CEP43: variants seen among roughly 807,000 people sequenced by gnomAD.
CEP43 encodes the protein centrosomal protein 43.
A neutral mutation model predicts 52.6 loss-of-function variants in CEP43; 36 were observed. That is an observed-to-expected ratio of 0.68 (90% CI 0.52 to 0.90). The LOEUF is 0.90. Ranked by LOEUF, CEP43 falls within the 40% of genes least tolerant of loss-of-function variation. The pLI, the probability that CEP43 is intolerant of heterozygous loss-of-function variation, is 0.00. For synonymous variants in CEP43, 192 were observed against 172.4 expected (o/e 1.11, Z -0.89); for missense variants, 506 against 472.8 (o/e 1.07, Z -0.65).
intron 10 of CEP43, among the ~76,000 whole-genome samples, chr6:167,029,855 GC>G (rs1177776258): frequency 3.3e-5 from 5 of 152,218 alleles, no homozygotes; most frequent in African/African-American, 1.2e-4. Context: ...GGAGTTAAGA[GC>G]AATGTTTTGA....
chr6:167,025,545 A>C (rs987654030), intron 9 of CEP43, among the ~76,000 whole-genome samples: 33 of 152,346 alleles, frequency 2.2e-4, no homozygotes, highest in Admixed American at 2.0e-3. Context: ...GAGCACGTGT[A>C]CCTCTTTTGA....
At chr6:166,999,978 G>A (rs1394614688) in intron 1 of CEP43, 82 bp from the exon 2 acceptor site, 21 of 1,238,700 alleles carry the variant, frequency 1.7e-5, no homozygotes, top group African/African-American at 3.0e-5. Flanking sequence ...TGGCTTGCTC[G>A]TGTTTGTTGC....
At chr6:167,032,198 C>T (rs1216961154) in intron 10 of CEP43, among the ~76,000 whole-genome samples, 1 of 152,192 alleles carries the variant, frequency 6.6e-6, no homozygotes, top group African/African-American at 2.4e-5. Context: ...CTCTTCACAC[C>T]TCATGAGTGT....
chr6:167,041,379 G>T lies in CEP43; in HGVS notation c.*1401G>T, dbSNP rs976327285. 39 of 1,060,270 alleles carry T rather than the reference G, an allele frequency of 3.7e-5. No homozygotes were observed. Among genetic ancestry groups the T allele is most frequent in the Non-Finnish European group, 3.8e-5 (33 of 876,116 alleles). 65.7% of individuals were successfully genotyped at this position (1,060,270 alleles called of 1,614,324 possible). The stretch of plus-strand genomic sequence containing the variant: ...GAGGAAGTAGGACATAAACTGGGCC[G>T]GTACAGCCTGGGAGCCCTGTGTATT... On this transcript the variant is annotated 3_prime_UTR_variant, in exon 13 of 13. Transcript: ENST00000366847.
At chr6:167,034,258 C>G (rs983441726) in intron 12 of CEP43, among the ~76,000 whole-genome samples, 1 of 152,080 alleles carries the variant, frequency 6.6e-6, no homozygotes, top group Non-Finnish European at 1.5e-5. Flanking sequence ...GTGGGTCAGG[C>G]TTAGTGAGAA....
At chr6:167,007,891 C>T (rs1037915963) in intron 5 of CEP43, among the ~76,000 whole-genome samples, 48 of 152,240 alleles carry the variant, frequency 3.2e-4, no homozygotes, top group African/African-American at 1.1e-3. Context: ...CCTTCAGCAC[C>T]TCTACCATGT....
At chr6:167,028,955 A>G (rs1424279278) in intron 10 of CEP43, among the ~76,000 whole-genome samples, 1 of 152,256 alleles carries the variant, frequency 6.6e-6, no homozygotes, top group Admixed American at 6.5e-5. Context: ...GTTTATAGAT[A>G]GGTACTTTGC....
chr6:167,022,397 C>G lies in CEP43; in HGVS notation c.580-12C>G. The G allele has an allele frequency of 6.3e-7, 1 of 1,590,888 alleles. No homozygotes were observed. The highest frequency in any genetic ancestry group is 8.6e-7 in the Non-Finnish European group (1 of 1,162,324). ...CACCAAGGAGGCCTTTTCTCTTTCCCTCTCTTTCTAGAAGGCCAATGATGA... is the reference window on the plus strand; with the variant it reads ...CACCAAGGAGGCCTTTTCTCTTTCCGTCTCTTTCTAGAAGGCCAATGATGA... On this transcript the variant is annotated splice_polypyrimidine_tract_variant and intron_variant, in intron 7 of 12. Coordinates refer to ENST00000366847, the MANE Select transcript of CEP43 (RefSeq NM_007045.4).
Position 167,022,416 on chromosome 6 carries a change from A to G in CEP43, c.587A>G (p.Asn196Ser), listed in dbSNP as rs762174809. 125 of 1,611,686 alleles carry G rather than the reference A, an allele frequency of 7.8e-5. 1 individual carries two copies. Among genetic ancestry groups the G allele is most frequent in the South Asian group, 2.2e-4 (20 of 90,942 alleles). The part of the protein sequence containing the change: ...SGQKAGDKKA[N>S]DEANQSDTSV... ...CTTTCCCTCTCTTTCTAGAAGGCCA[A>G]TGATGAGGCCAATCAGAGTGATACA... The change falls in exon 8 of 13, where the codon AAT (asparagine) becomes AGT (serine). Residue 196 changes from asparagine to serine, a missense_variant. Asn to Ser is a conservative substitution (Grantham distance 46). Transcript: ENST00000366847.
At chr6:167,023,215 TGAG>T (rs1164554635) in intron 8 of CEP43, among the ~76,000 whole-genome samples, 2 of 151,848 alleles carry the variant, frequency 1.3e-5, no homozygotes, top group Non-Finnish European at 2.9e-5. Flanking sequence ...GACTCAGAGA[TGAG>T]GAGCTGGACG....
chr6:167,021,344 G>T (rs1780227645), intron 7 of CEP43, among the ~76,000 whole-genome samples: 1 of 152,180 alleles, frequency 6.6e-6, no homozygotes, highest in South Asian at 2.1e-4. Flanking sequence ...ACTCTCTGGA[G>T]ACTTTGACAA....
In CEP43 at chr6:167,041,782, T is replaced by G; in HGVS notation, c.*1804T>G. ...AATATTTGGGAGGGTAAAAGAAATA[T>G]GCCAAATATGAAACTTTTTTGTCAG... On this transcript the variant is annotated 3_prime_UTR_variant, in exon 13 of 13. Coordinates refer to ENST00000366847, the MANE Select transcript of CEP43 (RefSeq NM_007045.4). 1 of 993,408 alleles carries G rather than the reference T, an allele frequency of 1.0e-6. No individual in the cohort carries two copies. The highest frequency in any genetic ancestry group is 1.2e-6 in the Non-Finnish European group (1 of 840,498). The allele number at this position is 993,408 out of a possible 1,614,324, so 61.5% of individuals were successfully genotyped here. A position where few individuals can be genotyped will look rare whatever the true frequency, so the allele number is the denominator to read the frequency against.
intron 5 of CEP43, among the ~76,000 whole-genome samples, chr6:167,009,785 G>A (rs569119319): frequency 3.3e-4 from 50 of 151,820 alleles, no homozygotes; most frequent in African/African-American, 1.0e-3. Context: ...GCAGTGAGCC[G>A]AGATCGCACC....
rs112219693 is a variant in CEP43 at position 167,002,197 on chromosome 6, C to G, written c.157-996C>G. On this transcript the variant is annotated intron_variant, in intron 2 of 12. Transcript: ENST00000366847. ...GTTTTCCTTGTGCCCCTTATGTAAC[C>G]CTCTCCCCCACCCCAAACCTTTTTA... 8.2e-4 allele frequency among the ~76,000 whole-genome samples: 125 copies of G among 152,186 alleles called. 1 individual carries two copies. The highest frequency in any genetic ancestry group is 2.9e-3 in the African/African-American group (121 of 41,512).
Position 167,024,877 on chromosome 6 carries a change from C to A in CEP43, c.902C>A (p.Ser301Tyr), listed in dbSNP as rs1266756962. Reference sequence around the variant, plus strand: ...CTCAGCTCCCTGGCGGGAGCCCCTTCTTTAAAAGACTCTGAGAGTAAGTGC... The same window carrying A: ...CTCAGCTCCCTGGCGGGAGCCCCTTATTTAAAAGACTCTGAGAGTAAGTGC... The part of the protein sequence containing the change: ...SGLSSLAGAP[S>Y]LKDSESKRGN... Residue 301 changes from serine to tyrosine, a missense_variant, in exon 9 of 13, where the codon TCT (serine) becomes TAT (tyrosine). By Grantham distance (144) the Ser-to-Tyr change is moderately radical. Transcript: ENST00000366847. The A allele has an allele frequency of 6.2e-7, 1 of 1,602,866 alleles. No homozygotes were observed. Among genetic ancestry groups the A allele is most frequent in the Admixed American group, 1.7e-5 (1 of 59,578 alleles).
intron 12 of CEP43, chr6:167,036,571 C>T (rs1780589752): frequency 6.1e-6 from 6 of 985,274 alleles, no homozygotes; most frequent in East Asian, 1.1e-4. Flanking sequence ...ATTCAGCAAA[C>T]GTGAACATTT....
At chr6:167,007,246 A>C (rs1200776382) in intron 5 of CEP43, among the ~76,000 whole-genome samples, 1 of 152,196 alleles carries the variant, frequency 6.6e-6, no homozygotes, top group East Asian at 1.9e-4. Flanking sequence ...ATGCCTGTGT[A>C]GTGGGTGTGA....
rs980931630 is a variant in CEP43, at chr6:167,009,517, A to C, written c.439-1296A>C. ...TCTGTCTCAAAAAAAAAAAAAAAAA[A>C]AAAAAAAAAAAATACAAGGAATTAG... On this transcript the variant is annotated intron_variant, in intron 5 of 12. Transcript: ENST00000366847. 2.0e-4 allele frequency among the ~76,000 whole-genome samples: 30 copies of C among 149,948 alleles called. 1 individual carries two copies. The highest frequency in any genetic ancestry group is 3.4e-3 in the Middle Eastern group (1 of 290).
rs1461997304 is a variant in CEP43, at chr6:167,043,497, C to T, written c.*3519C>T. 6.6e-6 allele frequency: 1 copy of T among 151,664 alleles called. No individual in the cohort carries two copies. The highest frequency in any genetic ancestry group is 1.5e-5 in the Non-Finnish European group (1 of 68,198). 9.4% of individuals were successfully genotyped at this position (151,664 alleles called of 1,614,324 possible). On this transcript the variant is annotated 3_prime_UTR_variant, in exon 13 of 13. Transcript: ENST00000366847. ...CTGGGTTCAAGTGATTCTCCTGCCTCAGCCTCCCAAGTAGCTGAGATTACA... is the reference window on the plus strand; with the variant it reads ...CTGGGTTCAAGTGATTCTCCTGCCTTAGCCTCCCAAGTAGCTGAGATTACA...
Sources: gnomAD v4.1 joint callset for allele counts (sites outside exome capture counted in the v4.1 genomes callset) on GRCh38, gnomAD v4.1.1 for gene constraint, MANE v1.5 for transcripts, NCBI Gene and HGNC (gene_info 2026-07-23, HGNC 2026-07-21) for gene names.